The following EPG5 variants were observed in gnomAD, a reference collection of about 807,000 sequenced individuals.
The protein encoded by EPG5 is ectopic P-granules 5 autophagy tethering factor.
EPG5 carries 159 observed loss-of-function variants against 302.7 expected under a neutral mutation model. The ratio of observed to expected loss-of-function variants is 0.53; its 90% CI spans 0.46 to 0.60. EPG5 has a LOEUF of 0.60. Among genes scored for constraint, EPG5 ranks in the 20% least tolerant of loss-of-function variants. The pLI, the probability that EPG5 is intolerant of heterozygous loss-of-function variation, is 0.00. For missense variants in EPG5, 2,896 were observed against 3,092.4 expected (o/e 0.94, Z 1.51); for synonymous variants, 1,158 against 1,136.8 (o/e 1.02, Z -0.37).
chr18:45,964,270 G>A (rs7235629), intron 1 of EPG5, among the ~76,000 whole-genome samples: 26,646 of 152,124 alleles, frequency 0.18, 3,557 homozygotes, highest in African/African-American at 0.34. Context: ...TCTATGGAAA[G>A]ACAAAAGACA....
the EPG5 span, among the ~76,000 whole-genome samples, chr18:45,813,620 G>A: frequency 6.6e-5 from 10 of 152,084 alleles, no homozygotes; most frequent in South Asian, 2.1e-4. Context: ...TTGTAGGGAC[G>A]TGGATAAAGG....
At chr18:45,830,415 G>T in the EPG5 span, among the ~76,000 whole-genome samples, 84,587 of 151,894 alleles carry the variant, frequency 0.56, 24,408 homozygotes, top group African/African-American at 0.71. Context: ...TGCCCGATGC[G>T]GCAGCCCCAA....
the EPG5 span, chr18:45,837,583 G>A: frequency 2.1e-5 from 32 of 1,515,470 alleles, no homozygotes; most frequent in Non-Finnish European, 2.5e-5. Flanking sequence ...ACGCGGCAGT[G>A]CTGCCCTGCA....
Position 45,934,957 on chromosome 18 carries a change from A to C in EPG5, c.2109T>G (p.Ile703Met). ...LHVLKAKRLG[I>M]WLFMSEMPFG... is the part of the protein sequence containing the mutation. Reference sequence around the variant, plus strand: ...AGGGCATCTCGGACATAAACAGCCAAATGCCAAGTCTGCATGTAAGCAGGA... The same window carrying C: ...AGGGCATCTCGGACATAAACAGCCACATGCCAAGTCTGCATGTAAGCAGGA... Residue 703 changes from isoleucine to methionine, a missense_variant, in exon 11 of 44, where the codon ATT becomes ATG. By Grantham distance (10) the Ile-to-Met change is conservative. Around this residue, in one of 5 missense-constraint regions of EPG5, gnomAD observed 1,390 missense variants for 1,430.0 expected, o/e 0.97. Coordinates refer to ENST00000282041, the MANE Select transcript of EPG5 (RefSeq NM_020964.3). 6.2e-7 allele frequency: 1 copy of C among 1,611,074 alleles called. No homozygotes were observed.
the EPG5 span, among the ~76,000 whole-genome samples, chr18:45,810,313 G>A: frequency 6.6e-6 from 1 of 152,098 alleles, no homozygotes; most frequent in Non-Finnish European, 1.5e-5. Context: ...CAATCCTATT[G>A]ACACTATTCC....
intron 27 of EPG5, among the ~76,000 whole-genome samples, chr18:45,898,082 G>A (rs1041788727): frequency 2.0e-5 from 3 of 152,202 alleles, no homozygotes; most frequent in Non-Finnish European, 2.9e-5. Context: ...CAGGCTGGCC[G>A]GGTGCGGTGG....
In EPG5 at chr18:45,852,434, C is replaced by T; in HGVS notation, c.*33G>A. The stretch of plus-strand genomic sequence containing the variant: ...CAGCAAAGTTAAATGTAAACATAAA[C>T]AGCAATGGGTTTTTCAAGAGCCTCA... On this transcript the variant is annotated 3_prime_UTR_variant, in exon 44 of 44. Coordinates refer to ENST00000282041, the MANE Select transcript of EPG5 (RefSeq NM_020964.3). The T allele has an allele frequency of 1.9e-6, 3 of 1,583,338 alleles. No homozygotes were observed. The highest frequency in any genetic ancestry group is 4.5e-5 in the East Asian group (2 of 44,544).
At position 45,957,682 on chromosome 18, in the gene EPG5, T is replaced by C. The variant is rs549525966; in HGVS notation, c.64-2344A>G. Among the ~76,000 whole-genome samples the C allele has an allele frequency of 6.8e-4, 104 of 152,318 alleles. 1 individual carries two copies. Among genetic ancestry groups the C allele is most frequent in the Middle Eastern group, 3.4e-3 (1 of 294 alleles). ...CATCTTCAAACATCATCCTTAAAAA[T>C]ACATATGATTCGCTTGGCCTATACT... is the stretch of plus-strand genomic sequence containing the variant. On this transcript the variant is annotated intron_variant, in intron 1 of 43. Coordinates refer to ENST00000282041, the MANE Select transcript of EPG5 (RefSeq NM_020964.3).
intron 27 of EPG5, among the ~76,000 whole-genome samples, chr18:45,894,580 G>T (rs931601023): frequency 1.3e-5 from 2 of 152,158 alleles, no homozygotes; most frequent in Non-Finnish European, 2.9e-5. Flanking sequence ...GCTGCAATGA[G>T]GGAAAGAACA....
At chr18:45,910,790 C>T (rs1423503053) in intron 22 of EPG5, 48 bp from the exon 23 acceptor site, 6 of 1,479,350 alleles carry the variant, frequency 4.1e-6, no homozygotes, top group Non-Finnish European at 5.6e-6. Flanking sequence ...ACAAGATGTA[C>T]TTTCTGTATG....
intron 25 of EPG5, among the ~76,000 whole-genome samples, chr18:45,901,576 T>C (rs1338674875): frequency 2.0e-5 from 3 of 152,160 alleles, no homozygotes; most frequent in African/African-American, 4.8e-5. Flanking sequence ...TTATGGAATA[T>C]AGCCGAGTCA....
At chr18:45,899,793 C>A (rs930499643) in intron 26 of EPG5, among the ~76,000 whole-genome samples, 1 of 152,138 alleles carries the variant, frequency 6.6e-6, no homozygotes, top group African/African-American at 2.4e-5. Flanking sequence ...AGAAGTGAGA[C>A]AACTTGATAG....
chr18:45,878,350 A>C, intron 34 of EPG5, 26 bp downstream of exon 34: 1 of 1,492,500 alleles, frequency 6.7e-7, no homozygotes, highest in Non-Finnish European at 9.3e-7. Flanking sequence ...CGTCAAAGGA[A>C]TTTGAATATC....
chr18:45,915,071 G>A (rs1293873732), intron 20 of EPG5, among the ~76,000 whole-genome samples: 1 of 152,100 alleles, frequency 6.6e-6, no homozygotes, highest in Non-Finnish European at 1.5e-5. Context: ...CTGAGGTGAG[G>A]AGTTCGAGAC....
At chr18:45,883,803 T>A (rs895341305) in intron 30 of EPG5, among the ~76,000 whole-genome samples, 10 of 150,936 alleles carry the variant, frequency 6.6e-5, no homozygotes, top group Non-Finnish European at 1.2e-4. Flanking sequence ...GAAATACAAG[T>A]GAAGGCAAAG....
chr18:45,906,011 C>G (rs1256889459), intron 24 of EPG5, among the ~76,000 whole-genome samples: 3 of 152,186 alleles, frequency 2.0e-5, no homozygotes. Flanking sequence ...ATGCTGTTAT[C>G]TCTCAATGTT....
In EPG5 at chr18:45,882,400, C is replaced by A; in HGVS notation, c.5392G>T (p.Ala1798Ser). 6.2e-7 allele frequency: 1 copy of A among 1,614,166 alleles called. No homozygotes were observed. Among genetic ancestry groups the A allele is most frequent in the East Asian group, 2.2e-5 (1 of 44,888 alleles). The stretch of plus-strand genomic sequence containing the variant: ...TCCTCATCTGGTTCAAGGCCCCAGG[C>A]AGTAAGTGCCAAGTGAATGGACTCC... ...LLESIHLALTAWGLEPDEDIL... is the reference protein window; with the variant it reads ...LLESIHLALTSWGLEPDEDIL... Residue 1798 changes from alanine (A) to serine (S), a missense_variant, in exon 31 of 44, where the codon GCC (alanine) becomes TCC (serine). Transcript: ENST00000282041.
chr18:45,837,699 G>A, the EPG5 span: 1 of 1,479,242 alleles, frequency 6.8e-7, no homozygotes, highest in Non-Finnish European at 8.9e-7. Context: ...GCGGCGCGGG[G>A]CAGCGAGCTC....
At chr18:45,918,711 A>G (rs555196641) in intron 16 of EPG5, among the ~76,000 whole-genome samples, 3 of 152,348 alleles carry the variant, frequency 2.0e-5, no homozygotes, top group South Asian at 4.1e-4. Context: ...AATAATACAC[A>G]TGATGACCAA....
Sources: allele counts gnomAD v4.1 joint callset (sites outside exome capture counted in the v4.1 genomes callset), GRCh38; gene constraint gnomAD v4.1.1; regional missense constraint gnomAD v4.1.1; transcripts MANE v1.5; gene names NCBI Gene and HGNC (gene_info 2026-07-23, HGNC 2026-07-21).